YME1L1: variants seen among roughly 807,000 people sequenced by gnomAD.
YME1L1 encodes the protein ATP-dependent zinc metalloprotease YME1L1.
YME1L1 carries 39 observed loss-of-function variants against 90.4 expected under a neutral mutation model. The ratio of observed to expected loss-of-function variants is 0.43; its 90% CI spans 0.33 to 0.56. The LOEUF (loss-of-function observed/expected upper bound fraction) is 0.56, where lower values mean the gene tolerates loss of function less well. Among genes scored for constraint, YME1L1 ranks in the 20% least tolerant of loss-of-function variants. The pLI is 0.03. For missense variants in YME1L1, 617 were observed against 868.4 expected (o/e 0.71, Z 3.64); for synonymous variants, 284 against 287.3 (o/e 0.99, Z 0.12).
chr10:27,114,844 C>T (rs775840580), intron 17 of YME1L1, among the ~76,000 whole-genome samples: 13 of 151,984 alleles, frequency 8.6e-5, no homozygotes, highest in Non-Finnish European at 1.6e-4. Context: ...CCTGGAAACA[C>T]GGAGAAACGC....
At chr10:27,147,993 G>A (rs116529560) in intron 2 of YME1L1, among the ~76,000 whole-genome samples, 322 of 152,154 alleles carry the variant, frequency 2.1e-3, no homozygotes, top group African/African-American at 7.4e-3. Flanking sequence ...CCATGCCTTC[G>A]CCAACAATGT....
At position 27,123,408 on chromosome 10, in the gene YME1L1, T is replaced by C. The variant is rs531526072; in HGVS notation, c.1102+139A>G. On this transcript the variant is annotated intron_variant, in intron 10 of 18. Transcript: ENST00000376016. ...GGCTATTTTAACTATCAATCAAAAC[T>C]AATTAGCATGCAAAGCTGGAGGCCC... The C allele has an allele frequency of 5.3e-6, 5 of 946,700 alleles. No homozygotes were observed. The South Asian group carries it at 8.5e-5, about 16-fold the overall frequency. The allele number at this position is 946,700 out of a possible 1,614,324, so 58.6% of individuals were successfully genotyped here.
chr10:27,114,586 C>G lies in YME1L1; in HGVS notation c.1942G>C (p.Asp648His). The change falls in exon 18 of 19, where the codon GAT becomes CAT. Residue 648 changes from aspartate to histidine, a missense_variant. By Grantham distance (81) the Asp-to-His change is moderately conservative (BLOSUM62 -1). Transcript: ENST00000376016. ...GTTTCTGGACTTAGTTTCCCTGTAT[C>G]ACTGTAGGTCATAACTCCAAGCTAA... ...SEKLGVMTYS[D>H]TGKLSPETQS... is the part of the protein sequence containing the mutation. 1 of 1,613,388 alleles carries G rather than the reference C, an allele frequency of 6.2e-7. No homozygotes were observed. The highest frequency in any genetic ancestry group is 8.5e-7 in the Non-Finnish European group (1 of 1,179,820).
At chr10:27,123,301 G>A (rs937106460) in intron 10 of YME1L1, among the ~76,000 whole-genome samples, 3 of 151,728 alleles carry the variant, frequency 2.0e-5, no homozygotes, top group African/African-American at 7.3e-5. Context: ...GAGATTTTTG[G>A]TAGCCTCCAA....
intron 8 of YME1L1, chr10:27,129,115 T>TAAAAAAA (rs1554805110): frequency 1.0e-5 from 1 of 100,052 alleles, no homozygotes; most frequent in African/African-American, 3.3e-5. Context: ...AAAAAAAAAC[T>TAAAAAAA]CTCATTCCAA....
At chr10:27,127,680 GT>G (rs975281663) in intron 8 of YME1L1, among the ~76,000 whole-genome samples, 8 of 152,290 alleles carry the variant, frequency 5.3e-5, no homozygotes, top group Admixed American at 4.6e-4. Flanking sequence ...GAAAATTCAT[GT>G]ATGGTATTAG....
intron 4 of YME1L1, among the ~76,000 whole-genome samples, chr10:27,142,043 T>C (rs1368657914): frequency 6.9e-6 from 1 of 143,930 alleles, no homozygotes; most frequent in Admixed American, 6.8e-5. Context: ...AACGCTTCTG[T>C]TGTTGCTCTT....
chr10:27,136,782 T>C (rs980148627), intron 4 of YME1L1, among the ~76,000 whole-genome samples: 2 of 151,768 alleles, frequency 1.3e-5, no homozygotes, highest in African/African-American at 4.8e-5. Flanking sequence ...CAGGCTGGAG[T>C]GCAAGGCATT....
chr10:27,133,386 A>C (rs117142492), intron 7 of YME1L1, among the ~76,000 whole-genome samples: 189 of 152,328 alleles, frequency 1.2e-3, no homozygotes, highest in Middle Eastern at 3.4e-3. Context: ...AGCAATTTCT[A>C]ATTTCCTCAG....
At chr10:27,133,253 A>C (rs923823925) in intron 7 of YME1L1, among the ~76,000 whole-genome samples, 1 of 148,758 alleles carries the variant, frequency 6.7e-6, no homozygotes, top group South Asian at 2.1e-4. Context: ...GCAAGACAGA[A>C]AAAGTCTGAT....
intron 1 of YME1L1, 139 bp downstream of exon 1, chr10:27,154,039 C>T: frequency 1.7e-6 from 2 of 1,152,078 alleles, no homozygotes; most frequent in Non-Finnish European, 2.5e-6. Flanking sequence ...CCCTGATCCA[C>T]TCCTCAATCC....
Position 27,125,792 on chromosome 10 carries a change from C to T in YME1L1, c.949+904G>A, listed in dbSNP as rs1013898037. ...AGTAGCTGGGATTACAGGCGCCTGC[C>T]ACCAAGCCCAGCTAATTTCTTTTTT... On this transcript the variant is annotated intron_variant, in intron 9 of 18. Transcript: ENST00000376016. 4.6e-5 allele frequency among the ~76,000 whole-genome samples: 7 copies of T among 152,128 alleles called. No individual in the cohort carries two copies. In the South Asian group the frequency reaches 8.3e-4, roughly 18 times the overall value.
intron 6 of YME1L1, 122 bp downstream of exon 6, chr10:27,134,709 T>C: frequency 9.8e-7 from 1 of 1,021,174 alleles, no homozygotes; most frequent in South Asian, 1.7e-5. Flanking sequence ...TAGATTAAGT[T>C]ACAAATATAG....
chr10:27,131,907 T>G lies in YME1L1; in HGVS notation c.810A>C (p.Ala270=), dbSNP rs200825759. Residue 270 remains alanine, a synonymous_variant, in exon 8 of 19, where the codon GCA becomes GCC. Transcript: ENST00000376016. ...CATTTTTCATCTGGACAGGATCTACTGCAGAATCAAGCCCTGTTGTTGTCC... is the reference window on the plus strand; with the variant it reads ...CATTTTTCATCTGGACAGGATCTACGGCAGAATCAAGCCCTGTTGTTGTCC... ...RFRTTTGLDS[A]VDPVQMKNVT... 1 of 1,613,388 alleles carries G rather than the reference T, an allele frequency of 6.2e-7. No homozygotes were observed. Among genetic ancestry groups the G allele is most frequent in the Non-Finnish European group, 8.5e-7 (1 of 1,179,836 alleles).
rs1564463911 is a variant in YME1L1, at chr10:27,136,357, A to C, written c.459T>G (p.Thr153=). 2 of 1,613,718 alleles carry C rather than the reference A, an allele frequency of 1.2e-6. No homozygotes were observed. Among genetic ancestry groups the C allele is most frequent in the South Asian group, 1.1e-5 (1 of 91,070 alleles). Residue 153 remains threonine (T), a synonymous_variant, in exon 5 of 19, where the codon ACT becomes ACG. Coordinates refer to ENST00000376016, the MANE Select transcript of YME1L1 (RefSeq NM_014263.4). ...GGAGACGTCGTGTCCTTGATTTCAA[A>C]GTTTTAAAACCCCGAGACTGTATGA... ...PVFIQSRGFK[T]LKSRTRRLQS... is the part of the protein sequence containing the mutation.
intron 2 of YME1L1, chr10:27,147,811 C>A: frequency 9.1e-7 from 1 of 1,104,408 alleles, no homozygotes; most frequent in Non-Finnish European, 1.3e-6. Flanking sequence ...TGCACAATGG[C>A]CAGCAGGACC....
At position 27,136,465 on chromosome 10, in the gene YME1L1, C is replaced by A. The variant is rs1253533036; in HGVS notation, c.431-80G>T. On this transcript the variant is annotated intron_variant, in intron 4 of 18. Transcript: ENST00000376016. ...ATGCCTAAGATTCTAAAGTCTGACA[C>A]CCTACCTGTATATCCTAGTCTATCT... The A allele has an allele frequency of 1.3e-5, 15 of 1,140,598 alleles. No individual in the cohort carries two copies. In the South Asian group the frequency reaches 2.0e-4, roughly 15 times the overall value. The allele number at this position is 1,140,598 out of a possible 1,614,324, so 70.7% of individuals were successfully genotyped here.
chr10:27,143,478 T>C (rs918864981), intron 3 of YME1L1, among the ~76,000 whole-genome samples: 3 of 151,578 alleles, frequency 2.0e-5, no homozygotes, highest in Admixed American at 2.0e-4. Context: ...GGCGGGCGGA[T>C]CACGAGGTCA....
At chr10:27,123,803 A>T (rs1250432248) in intron 9 of YME1L1, 104 bp from the exon 10 acceptor site, 1 of 1,204,046 alleles carries the variant, frequency 8.3e-7, no homozygotes, top group East Asian at 2.7e-5. Flanking sequence ...TTTCAGGCTG[A>T]GGTCACACCA....
Sources: allele counts gnomAD v4.1 joint callset (sites outside exome capture counted in the v4.1 genomes callset), GRCh38; gene constraint gnomAD v4.1.1; transcripts MANE v1.5; gene names NCBI Gene and HGNC (gene_info 2026-07-23, HGNC 2026-07-21).